Variants in CHST9 observed in about 807,000 individuals in gnomAD.
CHST9 encodes the protein carbohydrate sulfotransferase 9.
In CHST9, 41 loss-of-function variants were observed where a neutral mutation model predicts 44.4. The ratio of observed to expected loss-of-function variants is 0.92; its 90% confidence interval spans 0.72 to 1.20. CHST9 has a LOEUF of 1.20. Among genes scored for constraint, CHST9 ranks in the 50% most tolerant of loss-of-function variants. The probability of loss-of-function intolerance (pLI) is 0.00; values close to 1 mark genes in which losing one functional copy is unlikely to be tolerated. For missense variants in CHST9, 504 were observed against 516.5 expected, an observed-to-expected ratio of 0.98 and a Z score of 0.23; for synonymous variants, 171 against 178.4, an observed-to-expected ratio of 0.96 and a Z score of 0.33.
At chr18:27,118,319 A>G (rs1035640010) in intron 2 of CHST9, among the ~76,000 whole-genome samples, 1 of 152,090 alleles carries the variant, frequency 6.6e-6, no homozygotes, top group African/African-American at 2.4e-5. Context: ...CTTGAGAGAT[A>G]TTTTCTTCCA....
intron 4 of CHST9, among the ~76,000 whole-genome samples, chr18:27,015,352 T>TGC: frequency 6.8e-6 from 1 of 148,000 alleles, no homozygotes; most frequent in Non-Finnish European, 1.5e-5. Flanking sequence ...TGTGTGTGTG[T>TGC]GTGTGTGCAG....
intron 2 of CHST9, among the ~76,000 whole-genome samples, chr18:27,122,481 CAA>C (rs1298509583): frequency 1.3e-5 from 2 of 151,988 alleles, no homozygotes; most frequent in East Asian, 1.9e-4. Flanking sequence ...AGAACAACAA[CAA>C]AAAAAGTTGA....
intron 4 of CHST9, among the ~76,000 whole-genome samples, chr18:27,013,767 A>T (rs1020002837): frequency 2.6e-5 from 4 of 152,208 alleles, no homozygotes; most frequent in Non-Finnish European, 4.4e-5. Flanking sequence ...TAAAGTTCTA[A>T]TTACCTAGAA....
Position 26,944,252 on chromosome 18 carries a change from C to T in CHST9, c.240+77G>A, listed in dbSNP as rs2056128191. ...AACTAACAGCTAACATTACCCCCTGCCTTTTTTATATTTACACATGTTTAT... is the reference window on the plus strand; with the variant it reads ...AACTAACAGCTAACATTACCCCCTGTCTTTTTTATATTTACACATGTTTAT... On this transcript the variant is annotated intron_variant, in intron 5 of 5. Transcript: ENST00000618847. 4.5e-6 allele frequency: 5 copies of T among 1,099,696 alleles called. No homozygotes were observed. In the East Asian group the frequency reaches 9.5e-5, roughly 21 times the overall value. The allele number at this position is 1,099,696 out of a possible 1,614,324, so 68.1% of individuals were successfully genotyped here. A position where few individuals can be genotyped will look rare whatever the true frequency, so the allele number is the denominator to read the frequency against.
At chr18:27,100,193 C>T (rs905354646) in intron 2 of CHST9, among the ~76,000 whole-genome samples, 1 of 152,004 alleles carries the variant, frequency 6.6e-6, no homozygotes, top group African/African-American at 2.4e-5. Context: ...TACTTATAAG[C>T]AGGAGCTAAA....
intron 2 of CHST9, among the ~76,000 whole-genome samples, chr18:27,092,058 A>C (rs115811262): frequency 0.012 from 1,801 of 152,270 alleles, 34 homozygotes; most frequent in African/African-American, 0.04. Flanking sequence ...GAATTCAGCT[A>C]TGAATCTGTC....
chr18:27,168,186 G>A (rs1247924218), intron 1 of CHST9, among the ~76,000 whole-genome samples: 1 of 150,686 alleles, frequency 6.6e-6, no homozygotes, highest in African/African-American at 2.4e-5. Context: ...GCCATTCTCC[G>A]GCCTCGGCCT....
chr18:26,915,452 T>C lies in CHST9; in HGVS notation c.*807A>G, dbSNP rs2055502134. On this transcript the variant is annotated 3_prime_UTR_variant, in exon 6 of 6. Transcript: ENST00000618847. ...TTCCATCCTGAAACAATTTCCCCCC[T>C]GCTCAATTAAACCAGAATTAGGAGC... 1 of 152,496 alleles carries C rather than the reference T, an allele frequency of 6.6e-6. No individual in the cohort carries two copies. The highest frequency in any genetic ancestry group is 6.5e-5 in the Admixed American group (1 of 15,276). The allele number at this position is 152,496 out of a possible 1,614,324, so 9.4% of individuals were successfully genotyped here.
At chr18:26,981,237 G>A (rs976325639) in intron 4 of CHST9, among the ~76,000 whole-genome samples, 1 of 152,120 alleles carries the variant, frequency 6.6e-6, no homozygotes, top group African/African-American at 2.4e-5. Flanking sequence ...TTTTTACAAG[G>A]CCAAAAGCAT....
At chr18:27,047,388 T>TTGTGTGTGTGTGTGTGTGTGTGTG (rs55698484) in intron 3 of CHST9, among the ~76,000 whole-genome samples, 16 of 145,654 alleles carry the variant, frequency 1.1e-4, no homozygotes, top group Non-Finnish European at 2.1e-4. Flanking sequence ...GCCTTCATAA[T>TTGTGTGTGTGTGTGTGTGTGTGTG]TGTGTGTGTG....
At chr18:27,179,106 A>C (rs71376985) in intron 1 of CHST9, among the ~76,000 whole-genome samples, 2,732 of 133,032 alleles carry the variant, frequency 0.021, 23 homozygotes, top group African/African-American at 0.023. Flanking sequence ...CTCTCTCTCT[A>C]TATATATATA....
intron 2 of CHST9, among the ~76,000 whole-genome samples, chr18:27,122,692 T>A (rs529640223): frequency 6.6e-6 from 1 of 152,208 alleles, no homozygotes; most frequent in Admixed American, 6.5e-5. Flanking sequence ...AAAAGGCAAA[T>A]TTGATGCATG....
intron 4 of CHST9, among the ~76,000 whole-genome samples, chr18:26,996,805 T>C (rs1356234691): frequency 2.0e-5 from 3 of 152,200 alleles, no homozygotes; most frequent in Non-Finnish European, 4.4e-5. Flanking sequence ...TCAGATGCTA[T>C]ATCTATGTGT....
intron 2 of CHST9, among the ~76,000 whole-genome samples, chr18:27,063,278 ATATT>A (rs2057746347): frequency 6.6e-6 from 1 of 152,126 alleles, no homozygotes; most frequent in African/African-American, 2.4e-5. Context: ...GCTCCCTCAT[ATATT>A]TGTGATACTG....
intron 4 of CHST9, among the ~76,000 whole-genome samples, chr18:26,981,151 T>C (rs1295308608): frequency 6.6e-6 from 1 of 152,196 alleles, no homozygotes; most frequent in Non-Finnish European, 1.5e-5. Flanking sequence ...GAAATTAGAA[T>C]TGGTTACAGG....
intron 4 of CHST9, among the ~76,000 whole-genome samples, chr18:26,981,317 CATGTAG>C (rs1382700345): frequency 1.3e-5 from 2 of 152,284 alleles, no homozygotes; most frequent in Non-Finnish European, 2.9e-5. Context: ...GCTCCTAACC[CATGTAG>C]ACATGATGCT....
chr18:27,114,636 C>T (rs527907463), intron 2 of CHST9, among the ~76,000 whole-genome samples: 33 of 152,288 alleles, frequency 2.2e-4, no homozygotes, highest in Admixed American at 1.3e-3. Context: ...CCTGTGGCAA[C>T]CACTAATCTA....
chr18:27,084,145 T>A (rs550518992), intron 2 of CHST9, among the ~76,000 whole-genome samples: 1 of 151,308 alleles, frequency 6.6e-6, no homozygotes, highest in Non-Finnish European at 1.5e-5. Context: ...GGTATCAGAA[T>A]GATGCTGGCA....
chr18:27,175,490 A>C (rs1438336421), intron 1 of CHST9, among the ~76,000 whole-genome samples: 1 of 152,116 alleles, frequency 6.6e-6, no homozygotes, highest in Non-Finnish European at 1.5e-5. Flanking sequence ...TTTCTAAATA[A>C]ATGTAGCAAC....
Sources: allele counts gnomAD v4.1 joint callset (sites outside exome capture counted in the v4.1 genomes callset), GRCh38; gene constraint gnomAD v4.1.1; transcripts MANE v1.5; gene names NCBI Gene and HGNC (gene_info 2026-07-23, HGNC 2026-07-21).